The following APAF1 variants were observed in gnomAD, a reference collection of about 807,000 sequenced individuals.
APAF1 encodes the protein apoptotic peptidase activating factor 1.
A neutral mutation model predicts 152.4 loss-of-function variants in APAF1; 91 were observed. The ratio of observed to expected loss-of-function variants is 0.60; its 90% CI spans 0.50 to 0.71. The LOEUF is 0.71. Among genes scored for constraint, APAF1 ranks in the 30% least tolerant of loss-of-function variants. The probability of loss-of-function intolerance (pLI) is 0.00; values close to 1 mark genes in which losing one functional copy is unlikely to be tolerated. For synonymous variants in APAF1, 484 were observed against 494.1 expected (o/e 0.98, Z 0.27); for missense variants, 1,283 against 1,472.0 (o/e 0.87, Z 2.10).
At chr12:98,725,886 A>G (rs1473416451) in intron 25 of APAF1, among the ~76,000 whole-genome samples, 2 of 152,180 alleles carry the variant, frequency 1.3e-5, no homozygotes, top group Non-Finnish European at 2.9e-5. Flanking sequence ...AATTTTGTAA[A>G]TTATGGTCTG....
Position 98,732,734 on chromosome 12 carries a change from C to T in APAF1, c.*168C>T. Reference sequence around the variant, plus strand: ...GAATAATATTAATGTAGCTTTTTCCCAAATGAACATACCTTTAATCTTGTT... The same window carrying T: ...GAATAATATTAATGTAGCTTTTTCCTAAATGAACATACCTTTAATCTTGTT... On this transcript the variant is annotated 3_prime_UTR_variant, in exon 27 of 27. Transcript: ENST00000551964. The T allele has an allele frequency of 1.7e-6, 1 of 593,362 alleles. No homozygotes were observed. The highest frequency in any genetic ancestry group is 3.0e-6 in the Non-Finnish European group (1 of 338,048). 36.8% of individuals were successfully genotyped at this position (593,362 alleles called of 1,614,324 possible).
At chr12:98,719,780 C>T (rs2060175) in intron 22 of APAF1, among the ~76,000 whole-genome samples, 46,453 of 151,910 alleles carry the variant, frequency 0.31, 7,677 homozygotes, top group East Asian at 0.51. Flanking sequence ...TTTGATCTTG[C>T]CATTTTAGTA....
At chr12:98,656,894 C>T (rs1168760061) in intron 4 of APAF1, among the ~76,000 whole-genome samples, 1 of 152,146 alleles carries the variant, frequency 6.6e-6, no homozygotes, top group Non-Finnish European at 1.5e-5. Context: ...TGTCTCTAAC[C>T]TTTCCTATTG....
chr12:98,690,454 A>G (rs1457950123), intron 16 of APAF1, among the ~76,000 whole-genome samples: 1 of 152,138 alleles, frequency 6.6e-6, no homozygotes, highest in African/African-American at 2.4e-5. Context: ...TTGTCAGCCT[A>G]TTATTTCCTG....
chr12:98,659,201 C>G lies in APAF1; in HGVS notation c.568C>G (p.Gln190Glu). The G allele has an allele frequency of 6.2e-7, 1 of 1,614,190 alleles. No homozygotes were observed. The highest frequency in any genetic ancestry group is 8.5e-7 in the Non-Finnish European group (1 of 1,180,030). Residue 190 changes from glutamine to glutamate, a missense_variant, in exon 5 of 27, where the codon CAA becomes GAA. By Grantham distance (29) the Gln-to-Glu change is conservative. Transcript: ENST00000551964. ...GGVHWVSVGK[Q>E]DKSGLLMKLQ... ...AGTGCATTGGGTTTCAGTTGGGAAA[C>G]AAGACAAATCTGGGCTTCTGATGAA...
At chr12:98,662,321 T>C (rs2097666531) in intron 5 of APAF1, 135 bp from the exon 6 acceptor site, 1 of 666,908 alleles carries the variant, frequency 1.5e-6, no homozygotes, top group African/African-American at 1.8e-5. Context: ...AGAATCATTT[T>C]CCTAGATCTA....
Position 98,733,937 on chromosome 12 carries a change from CCTCA to C in APAF1, c.*1374_*1377del, listed in dbSNP as rs1239338266. 2.0e-5 allele frequency: 3 copies of C among 152,198 alleles called. No individual in the cohort carries two copies. Among genetic ancestry groups the C allele is most frequent in the Non-Finnish European group, 4.4e-5 (3 of 68,032 alleles). The allele number at this position is 152,198 out of a possible 1,614,324, so 9.4% of individuals were successfully genotyped here. On this transcript the variant is annotated 3_prime_UTR_variant, in exon 27 of 27. Coordinates refer to ENST00000551964, the MANE Select transcript of APAF1 (RefSeq NM_181861.2). ...TGAATGAAACCTGATCTTTCCTAAT[CCTCA>C]CTTTTTTCTTTTTTAAAAAGCAGTT...
At chr12:98,666,605 T>A (rs1434947042) in intron 9 of APAF1, among the ~76,000 whole-genome samples, 1 of 152,208 alleles carries the variant, frequency 6.6e-6, no homozygotes, top group Non-Finnish European at 1.5e-5. Flanking sequence ...GTATTGCATA[T>A]GATTGTCTTG....
chr12:98,677,942 A>G (rs1273344933), intron 13 of APAF1, among the ~76,000 whole-genome samples: 2 of 152,230 alleles, frequency 1.3e-5, no homozygotes, highest in Admixed American at 1.3e-4. Flanking sequence ...TTTCTTGTAA[A>G]TAGGAACTGG....
chr12:98,654,633 C>CA (rs2097654018), intron 4 of APAF1, among the ~76,000 whole-genome samples: 1 of 151,976 alleles, frequency 6.6e-6, no homozygotes. Context: ...GTTTCGAACA[C>CA]CTGACCCAAG....
At position 98,677,453 on chromosome 12, in the gene APAF1, C is replaced by A; in HGVS notation, c.1822C>A (p.Arg608Ser). 1 of 1,614,032 alleles carries A rather than the reference C, an allele frequency of 6.2e-7. No individual in the cohort carries two copies. The highest frequency in any genetic ancestry group is 8.5e-7 in the Non-Finnish European group (1 of 1,179,982). The change falls in exon 13 of 27, where the codon CGC becomes AGC. Residue 608 changes from arginine (R) to serine (S), a missense_variant. Physicochemically the swap from Arg to Ser is moderately radical, Grantham distance 110. Transcript: ENST00000551964. ...CAAAAAAAACATCACGAATCTTTCC[C>A]GCTTAGTTGTCCGCCCCCACACAGA... ...INKKNITNLS[R>S]LVVRPHTDAV...
At chr12:98,671,460 G>T (rs1427799646) in intron 11 of APAF1, 75 bp from the exon 12 acceptor site, 7 of 1,407,722 alleles carry the variant, frequency 5.0e-6, no homozygotes, top group Non-Finnish European at 7.0e-6. Flanking sequence ...TTTTAAAGTG[G>T]CAAGATCACA....
At chr12:98,707,613 C>T (rs1378831030) in intron 19 of APAF1, among the ~76,000 whole-genome samples, 1 of 151,620 alleles carries the variant, frequency 6.6e-6, no homozygotes, top group Non-Finnish European at 1.5e-5. Context: ...GTCCCCACAG[C>T]ATCCTAATAC....
At chr12:98,662,346 T>TA (rs2097666585) in intron 5 of APAF1, 110 bp from the exon 6 acceptor site, 36 of 787,476 alleles carry the variant, frequency 4.6e-5, no homozygotes, top group Middle Eastern at 3.6e-4. Flanking sequence ...TCTATTTGTT[T>TA]TAAAAAAAAT....
intron 4 of APAF1, among the ~76,000 whole-genome samples, chr12:98,650,723 C>T (rs931453131): frequency 9.9e-5 from 15 of 152,052 alleles, no homozygotes; most frequent in African/African-American, 3.6e-4. Flanking sequence ...TGGTTTTTCC[C>T]CTCTATCATT....
intron 13 of APAF1, among the ~76,000 whole-genome samples, chr12:98,678,891 G>A (rs988624814): frequency 2.0e-5 from 3 of 152,214 alleles, no homozygotes; most frequent in African/African-American, 7.2e-5. Context: ...GGGAAGCCAA[G>A]GGGGTGCTGA....
rs905797483 is a variant in APAF1 at position 98,687,287 on chromosome 12, G to A, written c.2304+414G>A. Among the ~76,000 whole-genome samples, 7 of 151,730 alleles carry A rather than the reference G, an allele frequency of 4.6e-5. No individual in the cohort carries two copies. In the East Asian group the frequency reaches 7.8e-4, roughly 17 times the overall value. On this transcript the variant is annotated intron_variant, in intron 16 of 26. Transcript: ENST00000551964. ...CTGAGGCAGAGAATTGCTTGAACCC[G>A]GGAGGTGGAGGTTGCAGTGAGCTGA...
At chr12:98,703,146 C>A (rs747502853) in intron 17 of APAF1, among the ~76,000 whole-genome samples, 4 of 152,120 alleles carry the variant, frequency 2.6e-5, no homozygotes, top group Non-Finnish European at 5.9e-5. Context: ...CTTGAGAGCT[C>A]ATCTGTGATG....
intron 9 of APAF1, 39 bp from the exon 10 acceptor site, chr12:98,667,474 A>T: frequency 1.2e-6 from 2 of 1,608,902 alleles, no homozygotes; most frequent in Non-Finnish European, 1.7e-6. Flanking sequence ...TAGGTTATAA[A>T]ATTGTTTCTG....
Sources: allele counts gnomAD v4.1 joint callset (sites outside exome capture counted in the v4.1 genomes callset), GRCh38; gene constraint gnomAD v4.1.1; transcripts MANE v1.5; gene names NCBI Gene and HGNC (gene_info 2026-07-23, HGNC 2026-07-21).